The following PCDHGB4 variants were observed in gnomAD, a reference collection of about 807,000 sequenced individuals.
The protein encoded by PCDHGB4 is protocadherin gamma-B4.
Under a neutral mutation model 60.5 loss-of-function variants are expected in PCDHGB4, and 38 were observed. That is an observed-to-expected ratio of 0.63 (90% CI 0.48 to 0.82). PCDHGB4 has a LOEUF of 0.82. PCDHGB4 is among the 40% of genes least tolerant of loss of function. PCDHGB4 has a pLI of 0.00. For missense variants in PCDHGB4, 1,109 were observed against 1,209.6 expected (o/e 0.92, Z 1.23); for synonymous variants, 456 against 509.7 (o/e 0.89, Z 1.42).
chr5:141,495,726 C>T (rs2099763293), intron 2 of PCDHGB4, among the ~76,000 whole-genome samples: 1 of 152,070 alleles, frequency 6.6e-6, no homozygotes, highest in Non-Finnish European at 1.5e-5. Flanking sequence ...ACACGGGACC[C>T]TTAGTCTCTT....
intron 1 of PCDHGB4, chr5:141,430,641 T>G: frequency 1.1e-6 from 1 of 902,670 alleles, no homozygotes. Context: ...TCCCTGGGAG[T>G]ATGTGGAAAC....
chr5:141,395,886 C>A (rs538799478), intron 1 of PCDHGB4: 1 of 152,168 alleles, frequency 6.6e-6, no homozygotes, highest in East Asian at 1.9e-4. Context: ...TCAGTGGTCA[C>A]CTGGGCTCCA....
chr5:141,456,327 G>C (rs917430790), intron 1 of PCDHGB4, among the ~76,000 whole-genome samples: 1 of 152,186 alleles, frequency 6.6e-6, no homozygotes, highest in African/African-American at 2.4e-5. Flanking sequence ...TCCTGGGGTT[G>C]ATCTAAGGGT....
At chr5:141,421,960 C>G in intron 1 of PCDHGB4, 3 of 1,612,526 alleles carry the variant, frequency 1.9e-6, no homozygotes, top group Non-Finnish European at 2.5e-6. Context: ...AATGTTTACA[C>G]AGTCCGTATA....
At chr5:141,438,960 C>A (rs1398478011) in intron 1 of PCDHGB4, among the ~76,000 whole-genome samples, 1 of 151,940 alleles carries the variant, frequency 6.6e-6, no homozygotes, top group Non-Finnish European at 1.5e-5. Flanking sequence ...GCCACCGCAC[C>A]CTGCCAACTG....
At position 141,485,142 on chromosome 5, in the gene PCDHGB4, A is replaced by C. The variant is rs979255582; in HGVS notation, c.2398-9665A>C. 5 of 1,554,566 alleles carry C rather than the reference A, an allele frequency of 3.2e-6. No homozygotes were observed. The highest frequency in any genetic ancestry group is 3.5e-6 in the Non-Finnish European group (4 of 1,131,592). On this transcript the variant is annotated intron_variant, in intron 1 of 3. Transcript: ENST00000519479. The surrounding 1 kb of genome is among the most constrained non-coding windows in gnomAD (Gnocchi z 5.7). ...GGCGGGTCGGCTTCATCCGCGTCTC[A>C]GGAGCAAGTAGAGAATTAGCGGGCG... is the stretch of plus-strand genomic sequence containing the variant.
At chr5:141,481,722 G>A (rs546676646) in intron 1 of PCDHGB4, among the ~76,000 whole-genome samples, 1 of 152,214 alleles carries the variant, frequency 6.6e-6, no homozygotes, top group African/African-American at 2.4e-5. Flanking sequence ...GGGAGGCGGA[G>A]GCGGGCGGAT....
In PCDHGB4 at chr5:141,408,093, G is replaced by C. The variant is rs533105778; in HGVS notation, c.2397+17812G>C. On this transcript the variant is annotated intron_variant, in intron 1 of 3. Transcript: ENST00000519479. ...CCTTTCCCAGCACAGCGGATTGCCA[G>C]CTCCGAGACCCGGGACTCCTCCTGT... The C allele has an allele frequency of 7.0e-6, 10 of 1,429,954 alleles. No homozygotes were observed. In the Admixed American group the frequency reaches 1.4e-4, roughly 20 times the overall value. 88.6% of individuals were successfully genotyped at this position (1,429,954 alleles called of 1,614,324 possible).
rs777568111 is a variant in PCDHGB4 at position 141,404,292 on chromosome 5, A to G, written c.2397+14011A>G. On this transcript the variant is annotated intron_variant, in intron 1 of 3. Coordinates refer to ENST00000519479, the MANE Select transcript of PCDHGB4 (RefSeq NM_003736.4). ...ACCCTGCAAGTGACTGACATCAATG[A>G]TAATCCACCTGCTTTCTCTCAAGCC... 2.5e-6 allele frequency: 4 copies of G among 1,613,864 alleles called. No homozygotes were observed. Among genetic ancestry groups the G allele is most frequent in the South Asian group, 1.1e-5 (1 of 91,082 alleles).
chr5:141,447,389 C>T (rs1467715872), intron 1 of PCDHGB4, among the ~76,000 whole-genome samples: 1 of 152,150 alleles, frequency 6.6e-6, no homozygotes, highest in African/African-American at 2.4e-5. Context: ...CTGCCCACCT[C>T]GGCCTCCCAA....
chr5:141,497,239 G>A (rs2099775226), intron 2 of PCDHGB4, among the ~76,000 whole-genome samples: 1 of 152,104 alleles, frequency 6.6e-6, no homozygotes, highest in Admixed American at 6.5e-5. Flanking sequence ...AAGGCTTCTA[G>A]GAGGAGGTGA....
intron 3 of PCDHGB4, among the ~76,000 whole-genome samples, chr5:141,506,682 C>A (rs1333272766): frequency 6.6e-6 from 1 of 152,192 alleles, no homozygotes; most frequent in East Asian, 1.9e-4. Context: ...ATATTATTAT[C>A]TTTGCTGACC....
In PCDHGB4 at chr5:141,511,829, G is replaced by A. The variant is rs1181369164; in HGVS notation, c.*656G>A. 1 of 156,774 alleles carries A rather than the reference G, an allele frequency of 6.4e-6. No individual in the cohort carries two copies. Among genetic ancestry groups the A allele is most frequent in the Non-Finnish European group, 1.4e-5 (1 of 70,652 alleles). The allele number at this position is 156,774 out of a possible 1,614,324, so 9.7% of individuals were successfully genotyped here. Reference sequence around the variant, plus strand: ...TACCAAGCCTCTTCCCAACGCCCTGGGGACCAGTCTTCTGTTTTGTTTTTC... The same window carrying A: ...TACCAAGCCTCTTCCCAACGCCCTGAGGACCAGTCTTCTGTTTTGTTTTTC... On this transcript the variant is annotated 3_prime_UTR_variant, in exon 4 of 4. Transcript: ENST00000519479.
intron 1 of PCDHGB4, among the ~76,000 whole-genome samples, chr5:141,407,824 G>C (rs2094986699): frequency 6.6e-6 from 1 of 152,190 alleles, no homozygotes; most frequent in South Asian, 2.1e-4. Context: ...TAATATTATG[G>C]TGAGAGCAAA....
intron 2 of PCDHGB4, 54 bp downstream of exon 2, chr5:141,494,919 T>A: frequency 6.2e-7 from 1 of 1,613,926 alleles, no homozygotes; most frequent in South Asian, 1.1e-5. Flanking sequence ...TTCTCAGGGA[T>A]GACGTGGGAG....
At position 141,423,457 on chromosome 5, in the gene PCDHGB4, G is replaced by A. The variant is rs148481587; in HGVS notation, c.2397+33176G>A. 6.9e-5 allele frequency: 111 copies of A among 1,614,010 alleles called. 2 individuals carry two copies. The South Asian group carries it at 9.3e-4, about 14-fold the overall frequency. ...TATGCCCACGTCACATTTTGTAGGC[G>A]TGGACGGGGTACAGGCTTTCCTGCA... On this transcript the variant is annotated intron_variant, in intron 1 of 3. Coordinates refer to ENST00000519479, the MANE Select transcript of PCDHGB4 (RefSeq NM_003736.4).
At chr5:141,482,999 T>G (rs1031397558) in intron 1 of PCDHGB4, among the ~76,000 whole-genome samples, 3 of 151,950 alleles carry the variant, frequency 2.0e-5, no homozygotes, top group Non-Finnish European at 2.9e-5. Flanking sequence ...GCAGGAGAAT[T>G]GCTTGAACCC....
In PCDHGB4 at chr5:141,389,617, A is replaced by G. The variant is rs375985151; in HGVS notation, c.1733A>G (p.His578Arg). 179 of 1,612,924 alleles carry G rather than the reference A, an allele frequency of 1.1e-4. No individual in the cohort carries two copies. The Middle Eastern group carries it at 3.6e-3, about 32-fold the overall frequency. Reference protein sequence around the residue: ...DGSALFDMVPHAAEPGYLVTK... With the variant: ...DGSALFDMVPRAAEPGYLVTK... ...TCTGCGCTCTTCGATATGGTGCCGC[A>G]CGCTGCAGAGCCTGGCTACTTGGTG... is the stretch of plus-strand genomic sequence containing the variant. The change falls in exon 1 of 4, where the codon CAC becomes CGC. Residue 578 changes from histidine (H) to arginine (R), a missense_variant. Transcript: ENST00000519479.
intron 1 of PCDHGB4, chr5:141,421,118 T>A (rs572827470): frequency 1.3e-6 from 1 of 771,946 alleles, no homozygotes; most frequent in South Asian, 1.9e-5. Flanking sequence ...GTATTTTCCT[T>A]CGCTTTCTGA....
Sources: allele counts gnomAD v4.1 joint callset (sites outside exome capture counted in the v4.1 genomes callset), GRCh38; gene constraint gnomAD v4.1.1; non-coding constraint Gnocchi (gnomAD v3.1); transcripts MANE v1.5; gene names NCBI Gene and HGNC (gene_info 2026-07-23, HGNC 2026-07-21).